Variants in DLGAP1 observed in about 807,000 individuals in gnomAD.
DLGAP1 encodes DLG associated protein 1, also known as disks large-associated protein 1.
Under a neutral mutation model 90.8 loss-of-function variants are expected in DLGAP1, and 11 were observed. The ratio of observed to expected loss-of-function variants is 0.12; its 90% CI spans 0.08 to 0.20. DLGAP1 has a LOEUF of 0.20. DLGAP1 is among the 10% of genes least tolerant of loss of function. The probability of loss-of-function intolerance (pLI) is 1.00; values close to 1 mark genes in which losing one functional copy is unlikely to be tolerated. For missense variants in DLGAP1, 1,050 were observed against 1,333.8 expected (o/e 0.79, Z 3.31); for synonymous variants, 558 against 540.7 (o/e 1.03, Z -0.44).
At chr18:4,165,173 G>A (rs1040659027) in intron 1 of DLGAP1, among the ~76,000 whole-genome samples, 3 of 152,092 alleles carry the variant, frequency 2.0e-5, no homozygotes, top group Non-Finnish European at 4.4e-5. Flanking sequence ...AAAAAGTGTA[G>A]ACTAATTAAA....
At chr18:3,952,708 C>A (rs1183153209) in intron 3 of DLGAP1, among the ~76,000 whole-genome samples, 1 of 152,138 alleles carries the variant, frequency 6.6e-6, no homozygotes, top group Non-Finnish European at 1.5e-5. Flanking sequence ...GATTATCTTG[C>A]ATAAAGAAAG....
intron 1 of DLGAP1, among the ~76,000 whole-genome samples, chr18:4,164,647 C>T (rs897970016): frequency 1.3e-5 from 2 of 151,984 alleles, no homozygotes; most frequent in Admixed American, 6.6e-5. Flanking sequence ...ACCACTGCTC[C>T]CCAGCCTGGG....
At chr18:3,604,830 T>G (rs561377) in intron 7 of DLGAP1, among the ~76,000 whole-genome samples, 116,960 of 152,136 alleles carry the variant, frequency 0.77, 45,287 homozygotes, top group African/African-American at 0.83. Context: ...AAATGCAAAA[T>G]GTTAGGTAGA....
intron 7 of DLGAP1, among the ~76,000 whole-genome samples, chr18:3,676,796 A>G (rs1051261150): frequency 6.6e-6 from 1 of 152,118 alleles, no homozygotes; most frequent in Non-Finnish European, 1.5e-5. Context: ...AAGCATTTTC[A>G]TGGTTTAAAA....
intron 4 of DLGAP1, among the ~76,000 whole-genome samples, chr18:3,855,438 T>TA (rs1162699942): frequency 6.7e-6 from 1 of 149,660 alleles, no homozygotes; most frequent in Non-Finnish European, 1.5e-5. Flanking sequence ...AAAATAAAAG[T>TA]AAAAAAAAAG....
At position 4,380,250 on chromosome 18, in the gene DLGAP1, A is replaced by G. The variant is rs2082088711; in HGVS notation, c.-267+74756T>C. ...ACTGGAAAATAAAACGAATATCATT[A>G]CATTTTGAAAATTATTCTTGTTACA... On this transcript the variant is annotated intron_variant, in intron 1 of 12. Transcript: ENST00000315677. Among the ~76,000 whole-genome samples, 5 of 152,194 alleles carry G rather than the reference A, an allele frequency of 3.3e-5. No homozygotes were observed. In the South Asian group the frequency reaches 1.0e-3, roughly 31 times the overall value.
intron 1 of DLGAP1, chr18:4,430,466 T>C (rs1038100503): frequency 6.6e-6 from 1 of 151,146 alleles, no homozygotes; most frequent in African/African-American, 2.4e-5. Flanking sequence ...TGATAGGAAA[T>C]CCCTTAGGTC....
intron 8 of DLGAP1, among the ~76,000 whole-genome samples, chr18:3,572,182 G>A (rs1205112352): frequency 6.6e-6 from 1 of 150,524 alleles, no homozygotes; most frequent in Non-Finnish European, 1.5e-5. Flanking sequence ...GGATTCAAGC[G>A]GTTCTCCCGC....
At chr18:3,867,008 C>T (rs943058074) in intron 4 of DLGAP1, among the ~76,000 whole-genome samples, 7 of 152,142 alleles carry the variant, frequency 4.6e-5, no homozygotes, top group South Asian at 2.1e-4. Context: ...CATGCCACCA[C>T]ACCCGGCTAA....
intron 4 of DLGAP1, among the ~76,000 whole-genome samples, chr18:3,822,308 T>C (rs1282895761): frequency 2.0e-5 from 3 of 152,210 alleles, no homozygotes; most frequent in East Asian, 1.9e-4. Flanking sequence ...AATAGAACAT[T>C]GTAAACAGTG....
chr18:3,713,130 T>A lies in DLGAP1; in HGVS notation c.1591+16005A>T, dbSNP rs771895725. 2.0e-4 allele frequency among the ~76,000 whole-genome samples: 30 copies of A among 152,210 alleles called. No homozygotes were observed. The Middle Eastern group carries it at 0.013, about 64-fold the overall frequency. On this transcript the variant is annotated intron_variant, in intron 7 of 12. Transcript: ENST00000315677. ...GGATAGACCCTGAACCACCAACAAG[T>A]ACAGCCTGGGTTCGTGTGGACTCAG...
chr18:3,592,865 AAAGAAAAAGAAAG>A (rs2056339910), intron 7 of DLGAP1, among the ~76,000 whole-genome samples: 4 of 111,304 alleles, frequency 3.6e-5, no homozygotes, highest in East Asian at 2.5e-4. Context: ...AAAAAAAAAA[AAAGAAAAAGAAAG>A]AAAGAAAAAG....
chr18:3,695,852 A>G (rs1005058863), intron 7 of DLGAP1, among the ~76,000 whole-genome samples: 11 of 151,530 alleles, frequency 7.3e-5, no homozygotes, highest in Non-Finnish European at 7.4e-5. Flanking sequence ...ATGTTTTTCT[A>G]TTTGTTTGTG....
At chr18:3,604,258 C>T (rs923608380) in intron 7 of DLGAP1, 1 of 152,226 alleles carries the variant, frequency 6.6e-6, no homozygotes, top group Non-Finnish European at 1.5e-5. Flanking sequence ...GGATTTGAAT[C>T]TTGCCTGTCC....
chr18:3,810,865 G>A (rs112666139), intron 5 of DLGAP1, among the ~76,000 whole-genome samples: 5 of 151,896 alleles, frequency 3.3e-5, no homozygotes, highest in Non-Finnish European at 7.4e-5. Flanking sequence ...GGGTGCAATG[G>A]CTCAATCATG....
chr18:4,179,845 C>T (rs6506192), intron 1 of DLGAP1, among the ~76,000 whole-genome samples: 1 of 151,916 alleles, frequency 6.6e-6, no homozygotes, highest in African/African-American at 2.4e-5. Context: ...ATCTCGGCTG[C>T]GTCCCTTGGG....
chr18:3,659,597 C>A (rs1271628950), intron 7 of DLGAP1, among the ~76,000 whole-genome samples: 1 of 151,566 alleles, frequency 6.6e-6, no homozygotes, highest in African/African-American at 2.4e-5. Context: ...ACAGAATCTC[C>A]CTCTGTCGCC....
intron 10 of DLGAP1, among the ~76,000 whole-genome samples, chr18:3,509,384 C>T (rs2050412452): frequency 6.6e-6 from 1 of 152,206 alleles, no homozygotes; most frequent in Non-Finnish European, 1.5e-5. Flanking sequence ...AAGCAGGCTA[C>T]TTCTTGTCTC....
intron 7 of DLGAP1, among the ~76,000 whole-genome samples, chr18:3,627,946 C>T (rs560632132): frequency 4.8e-4 from 65 of 136,464 alleles, no homozygotes; most frequent in Non-Finnish European, 7.9e-4. Context: ...GGGGCGATCT[C>T]GGCTCACTGC....
Sources: gnomAD v4.1 joint callset for allele counts (sites outside exome capture counted in the v4.1 genomes callset) on GRCh38, gnomAD v4.1.1 for gene constraint, MANE v1.5 for transcripts, NCBI Gene and HGNC (gene_info 2026-07-23, HGNC 2026-07-21) for gene names.